TRMT11: variants seen among roughly 807,000 people sequenced by gnomAD.
The protein encoded by TRMT11 is tRNA methyltransferase 11.
TRMT11 carries 53 observed loss-of-function variants against 62.8 expected under a neutral mutation model. That is an observed-to-expected ratio of 0.84 (90% CI 0.68 to 1.06). TRMT11 has a LOEUF of 1.06. TRMT11 is among the 50% of genes least tolerant of loss of function. The pLI is 0.00. For missense variants in TRMT11, 556 were observed against 553.4 expected (o/e 1.00, Z -0.05); for synonymous variants, 188 against 190.3 (o/e 0.99, Z 0.10).
rs140611773 is a variant in TRMT11 at position 126,200,764 on chromosome 6, A to G, written n.371+864A>G. On this transcript the variant is annotated intron_variant and non_coding_transcript_variant, in intron 3 of 3. Coordinates refer to the TRMT11 transcript ENST00000444229. ...GAGACAGGTTTTCACCGTGTTAGCC[A>G]GGATGGTTTCAATCTCCTGACCTTG... 3.2e-3 allele frequency among the ~76,000 whole-genome samples: 480 copies of G among 152,266 alleles called. 1 individual carries two copies. The highest frequency in any genetic ancestry group is 0.011 in the African/African-American group (444 of 41,546).
At chr6:126,157,177 T>G (rs767120973) in intron 21 of TRMT11, among the ~76,000 whole-genome samples, 5 of 152,212 alleles carry the variant, frequency 3.3e-5, no homozygotes, top group Non-Finnish European at 5.9e-5. Context: ...GGAAGTGGGC[T>G]GCCCACCTCT....
intron 21 of TRMT11, among the ~76,000 whole-genome samples, chr6:126,166,183 G>A (rs909772319): frequency 1.3e-5 from 2 of 151,946 alleles, no homozygotes; most frequent in African/African-American, 2.4e-5. Context: ...AGCAGTTCCT[G>A]TAACCTTTTA....
the TRMT11 span, among the ~76,000 whole-genome samples, chr6:126,249,604 G>A: frequency 6.6e-6 from 1 of 152,048 alleles, no homozygotes; most frequent in African/African-American, 2.4e-5. Context: ...AAGAAATAAA[G>A]GTTATATTTT....
At chr6:126,252,346 T>A in the TRMT11 span, among the ~76,000 whole-genome samples, 1 of 152,168 alleles carries the variant, frequency 6.6e-6, no homozygotes, top group Non-Finnish European at 1.5e-5. Context: ...ACATACGGCT[T>A]CTCCAGTATG....
At chr6:125,997,074 C>G (rs1034502853) in intron 3 of TRMT11, among the ~76,000 whole-genome samples, 10 of 152,190 alleles carry the variant, frequency 6.6e-5, no homozygotes, top group African/African-American at 2.4e-4. Flanking sequence ...TCTTTCATAA[C>G]TCTTCTAATT....
intron 17 of TRMT11, among the ~76,000 whole-genome samples, chr6:126,076,488 A>T (rs1237675191): frequency 6.6e-6 from 1 of 152,180 alleles, no homozygotes; most frequent in Non-Finnish European, 1.5e-5. Flanking sequence ...TCCTATCTTG[A>T]CTTCCTCAAT....
the TRMT11 span, among the ~76,000 whole-genome samples, chr6:126,246,598 G>A: frequency 2.6e-5 from 4 of 152,240 alleles, no homozygotes; most frequent in African/African-American, 9.6e-5. Flanking sequence ...TGGAAGAAAA[G>A]AGGAGATATT....
At chr6:126,120,094 T>C (rs188463973) in intron 21 of TRMT11, among the ~76,000 whole-genome samples, 102 of 151,942 alleles carry the variant, frequency 6.7e-4, no homozygotes, top group African/African-American at 2.4e-3. Flanking sequence ...ACCAACATGG[T>C]GAAATTTCAT....
the TRMT11 span, among the ~76,000 whole-genome samples, chr6:126,222,573 C>CT: frequency 2.1e-4 from 31 of 150,318 alleles, no homozygotes; most frequent in Admixed American, 4.0e-4. Flanking sequence ...GTATTTTATT[C>CT]TTTTTTTTTG....
downstream of TRMT11, among the ~76,000 whole-genome samples, chr6:126,204,039 C>T (rs945756858): frequency 6.6e-6 from 1 of 151,770 alleles, no homozygotes; most frequent in Non-Finnish European, 1.5e-5. Context: ...CAAAAAACAA[C>T]CAACCATTTG....
chr6:126,107,921 G>A (rs1392764054), intron 17 of TRMT11, among the ~76,000 whole-genome samples: 1 of 152,094 alleles, frequency 6.6e-6, no homozygotes, highest in Non-Finnish European at 1.5e-5. Context: ...ATTAATGTTT[G>A]GCATAGGGTG....
intron 21 of TRMT11, among the ~76,000 whole-genome samples, chr6:126,166,155 A>C (rs553269066): frequency 6.6e-6 from 1 of 152,100 alleles, no homozygotes; most frequent in Admixed American, 6.6e-5. Context: ...TTTCTTCTCT[A>C]AACTGGTTAT....
intron 21 of TRMT11, among the ~76,000 whole-genome samples, chr6:126,138,796 T>G (rs964543050): frequency 1.3e-5 from 2 of 152,058 alleles, no homozygotes; most frequent in African/African-American, 4.8e-5. Flanking sequence ...TTTCAGTGTT[T>G]TATCACAATG....
At chr6:126,154,421 C>T (rs143325111) in intron 21 of TRMT11, among the ~76,000 whole-genome samples, 8 of 151,574 alleles carry the variant, frequency 5.3e-5, no homozygotes, top group South Asian at 2.1e-4. Flanking sequence ...TAGCATGAAC[C>T]CTTGTATGGA....
At chr6:125,988,916 T>C (rs1054197082) in intron 1 of TRMT11, among the ~76,000 whole-genome samples, 2 of 152,140 alleles carry the variant, frequency 1.3e-5, no homozygotes, top group African/African-American at 4.8e-5. Context: ...TAAGTCTTAA[T>C]TGACAAAGGA....
At chr6:126,092,002 C>T (rs1777282582) in intron 17 of TRMT11, among the ~76,000 whole-genome samples, 1 of 152,096 alleles carries the variant, frequency 6.6e-6, no homozygotes, top group Admixed American at 6.5e-5. Context: ...CCTACGTCTA[C>T]GAGTCCTAAG....
At chr6:126,213,043 T>A in the TRMT11 span, among the ~76,000 whole-genome samples, 44 of 152,194 alleles carry the variant, frequency 2.9e-4, no homozygotes, top group Admixed American at 2.4e-3. Context: ...ATTCCCAGTG[T>A]ATGCTATTGG....
At chr6:126,214,306 A>C in the TRMT11 span, among the ~76,000 whole-genome samples, 233 of 152,132 alleles carry the variant, frequency 1.5e-3, 1 homozygote, top group African/African-American at 5.3e-3. Flanking sequence ...TTTATGTAGA[A>C]TTGGTATTAG....
chr6:126,207,590 A>G (rs1487058751), downstream of TRMT11, among the ~76,000 whole-genome samples: 4 of 152,224 alleles, frequency 2.6e-5, no homozygotes, highest in African/African-American at 9.6e-5. Flanking sequence ...AAAGAGGCCT[A>G]TTAAATATCC....
Sources: allele counts gnomAD v4.1 joint callset (sites outside exome capture counted in the v4.1 genomes callset), GRCh38; gene constraint gnomAD v4.1.1; transcripts MANE v1.5; gene names NCBI Gene and HGNC (gene_info 2026-07-23, HGNC 2026-07-21).